The following LARGE1 variants were observed in gnomAD, a reference collection of about 807,000 sequenced individuals.
LARGE1 encodes LARGE xylosyl- and glucuronyltransferase 1.
Under a neutral mutation model 87.6 loss-of-function variants are expected in LARGE1, and 43 were observed. That is an observed-to-expected ratio of 0.49 (90% CI 0.38 to 0.63). The LOEUF (loss-of-function observed/expected upper bound fraction) is 0.63, where lower values mean the gene tolerates loss of function less well. Ranked by LOEUF, LARGE1 falls within the 30% of genes least tolerant of loss-of-function variation. The pLI, the probability that LARGE1 is intolerant of heterozygous loss-of-function variation, is 0.00. For missense variants in LARGE1, 802 were observed against 1,000.2 expected (o/e 0.80, Z 2.67); for synonymous variants, 434 against 394.6 (o/e 1.10, Z -1.18).
At chr22:33,646,437 G>A (rs1405672684) in intron 3 of LARGE1, among the ~76,000 whole-genome samples, 4 of 152,124 alleles carry the variant, frequency 2.6e-5, no homozygotes, top group Admixed American at 1.3e-4. Context: ...ACCTGTTGAG[G>A]GGCGGGGCAA....
chr22:33,743,951 ACCC>A (rs1238454604), intron 2 of LARGE1: 1 of 152,048 alleles, frequency 6.6e-6, no homozygotes, highest in Non-Finnish European at 1.5e-5. Flanking sequence ...CAGCTGAGTG[ACCC>A]TGAGCAATCC....
chr22:33,334,943 G>A (rs1057378357), intron 10 of LARGE1, among the ~76,000 whole-genome samples: 5 of 152,192 alleles, frequency 3.3e-5, no homozygotes, highest in Non-Finnish European at 5.9e-5. Context: ...TCTTCACCTC[G>A]CCGATCCCCC....
intron 6 of LARGE1, among the ~76,000 whole-genome samples, chr22:33,493,746 C>T (rs2069969817): frequency 6.6e-6 from 1 of 152,160 alleles, no homozygotes; most frequent in African/African-American, 2.4e-5. Context: ...CTGGGATTCA[C>T]AGCCACACAG....
chr22:33,179,540 T>C (rs1923054178), intron 11 of LARGE1, among the ~76,000 whole-genome samples: 1 of 152,216 alleles, frequency 6.6e-6, no homozygotes, highest in Non-Finnish European at 1.5e-5. Context: ...ACAAGACGCA[T>C]AGGTACTGTT....
intron 7 of LARGE1, among the ~76,000 whole-genome samples, chr22:33,419,137 C>A (rs2066605381): frequency 6.6e-6 from 1 of 151,990 alleles, no homozygotes; most frequent in South Asian, 2.1e-4. Context: ...TACATGGTGG[C>A]AGGCAAGAGA....
At chr22:33,616,805 G>A (rs1488514550) in intron 4 of LARGE1, among the ~76,000 whole-genome samples, 3 of 152,212 alleles carry the variant, frequency 2.0e-5, no homozygotes, top group Non-Finnish European at 4.4e-5. Flanking sequence ...GTTGGTATGG[G>A]ATGGGAAGAG....
In LARGE1 at chr22:33,252,554, C is replaced by T. The variant is rs140878516; in HGVS notation, c.1730+51675G>A. On this transcript the variant is annotated intron_variant, in intron 11 of 11. Coordinates refer to the LARGE1 transcript ENST00000608642. The stretch of plus-strand genomic sequence containing the variant: ...AAGTGTCCTCTTCAAGATAGCTTTT[C>T]TACCATTTATAGTTAGGAATTGTTC... Among the ~76,000 whole-genome samples the T allele has an allele frequency of 1.1e-3, 162 of 152,270 alleles. 2 individuals are homozygous for T. Among genetic ancestry groups the T allele is most frequent in the Middle Eastern group, 6.8e-3 (2 of 294 alleles).
chr22:33,475,597 G>A (rs185467146), intron 6 of LARGE1, among the ~76,000 whole-genome samples: 250 of 152,090 alleles, frequency 1.6e-3, no homozygotes, highest in Non-Finnish European at 3.0e-3. Context: ...AAGTAGCTGG[G>A]ATTACAGGCA....
At chr22:33,310,487 C>G (rs1178517444) in intron 11 of LARGE1, among the ~76,000 whole-genome samples, 1 of 152,054 alleles carries the variant, frequency 6.6e-6, no homozygotes, top group African/African-American at 2.4e-5. Context: ...GAACTCCTGG[C>G]TTCATGGCCA....
the LARGE1 span, among the ~76,000 whole-genome samples, chr22:33,125,381 T>C: frequency 1.1e-3 from 160 of 152,230 alleles, 1 homozygote; most frequent in Non-Finnish European, 9.9e-4. Context: ...GGAACACTTA[T>C]TGAGCATCCT....
At chr22:33,378,774 C>G (rs1052183783) in intron 9 of LARGE1, among the ~76,000 whole-genome samples, 1 of 151,264 alleles carries the variant, frequency 6.6e-6, no homozygotes. Context: ...GTGGCTTAGT[C>G]CCACGAGGCT....
At chr22:33,202,633 T>C (rs546390027) in intron 11 of LARGE1, among the ~76,000 whole-genome samples, 90 of 152,220 alleles carry the variant, frequency 5.9e-4, no homozygotes, top group Non-Finnish European at 1.1e-3. Flanking sequence ...AGATTGACAG[T>C]AGCTGCTCAA....
chr22:33,675,622 C>T (rs2283928), intron 2 of LARGE1, among the ~76,000 whole-genome samples: 94,804 of 151,978 alleles, frequency 0.62, 32,057 homozygotes, highest in African/African-American at 0.91. Flanking sequence ...CTAATGACAA[C>T]GGCAAATTGG....
chr22:33,826,227 C>T (rs1396728572), intron 1 of LARGE1, among the ~76,000 whole-genome samples: 2 of 152,078 alleles, frequency 1.3e-5, no homozygotes, highest in Non-Finnish European at 2.9e-5. Flanking sequence ...ATCTATTACT[C>T]GACTCTTGCA....
chr22:33,288,543 G>A (rs1931961031), intron 12 of LARGE1, among the ~76,000 whole-genome samples: 2 of 152,132 alleles, frequency 1.3e-5, no homozygotes, highest in Non-Finnish European at 2.9e-5. Context: ...TTGGCTCTGT[G>A]TCTCTGGAGA....
intron 1 of LARGE1, among the ~76,000 whole-genome samples, chr22:33,902,830 G>T (rs915012964): frequency 3.9e-5 from 6 of 152,136 alleles, no homozygotes; most frequent in Non-Finnish European, 7.3e-5. Flanking sequence ...TAGTGACGGG[G>T]TCTTTAAAAA....
intron 11 of LARGE1, among the ~76,000 whole-genome samples, chr22:33,186,509 A>T (rs137393): frequency 5.3e-5 from 8 of 151,876 alleles, no homozygotes; most frequent in Non-Finnish European, 1.0e-4. Flanking sequence ...CTGAAAAAAA[A>T]GTCACATGCA....
intron 6 of LARGE1, among the ~76,000 whole-genome samples, chr22:33,531,186 T>A (rs1244565212): frequency 6.6e-6 from 1 of 152,194 alleles, no homozygotes; most frequent in Admixed American, 6.5e-5. Flanking sequence ...AGATGGAGTT[T>A]TGCTCTTGTT....
chr22:33,446,445 G>A (rs2067689484), intron 6 of LARGE1, among the ~76,000 whole-genome samples: 1 of 152,194 alleles, frequency 6.6e-6, no homozygotes, highest in Non-Finnish European at 1.5e-5. Flanking sequence ...AAGTGATGGT[G>A]GTTTTGTGGG....
Sources: allele counts gnomAD v4.1 joint callset (sites outside exome capture counted in the v4.1 genomes callset), GRCh38; gene constraint gnomAD v4.1.1; transcripts MANE v1.5; gene names NCBI Gene and HGNC (gene_info 2026-07-23, HGNC 2026-07-21).